ELFN1: variants seen among roughly 807,000 people sequenced by gnomAD.
The protein encoded by ELFN1 is protein ELFN1.
A neutral mutation model predicts 7.6 loss-of-function variants in ELFN1; 6 were observed. The ratio of observed to expected loss-of-function variants is 0.79; its 90% confidence interval spans 0.43 to 1.56. The LOEUF (loss-of-function observed/expected upper bound fraction) is 1.56. Ranked by LOEUF, ELFN1 falls within the 40% of genes most tolerant of loss-of-function variation. The probability of loss-of-function intolerance (pLI) is 0.01; values close to 1 mark genes in which losing one functional copy is unlikely to be tolerated. For synonymous variants in ELFN1, 657 were observed against 588.1 expected, an observed-to-expected ratio of 1.12 and a Z score of -1.70; for missense variants, 1,169 against 1,232.2, an observed-to-expected ratio of 0.95 and a Z score of 0.77.
intron 3 of ELFN1, among the ~76,000 whole-genome samples, chr7:1,724,187 C>T (rs553968286): frequency 6.6e-6 from 1 of 152,308 alleles, no homozygotes; most frequent in East Asian, 1.9e-4. Flanking sequence ...GTTTCTAGCA[C>T]AGTGCCTGGC....
chr7:1,708,966 C>T (rs1779594702), intron 2 of ELFN1, 125 bp from the exon 3 acceptor site: 1 of 152,222 alleles, frequency 6.6e-6, no homozygotes, highest in Admixed American at 6.5e-5. Context: ...TGTGACGTAC[C>T]TGCAGTCCGA....
chr7:1,692,639 C>G (rs1779193619), intron 2 of ELFN1, among the ~76,000 whole-genome samples: 1 of 152,246 alleles, frequency 6.6e-6, no homozygotes, highest in Admixed American at 6.5e-5. Context: ...TACCCAGGGC[C>G]AGCGGCCCAC....
At chr7:1,682,766 G>A (rs2128577255) in intron 1 of ELFN1, among the ~76,000 whole-genome samples, 1 of 152,176 alleles carries the variant, frequency 6.6e-6, no homozygotes, top group East Asian at 1.9e-4. Flanking sequence ...GAATAATCTT[G>A]AATAGCAGAG....
chr7:1,693,033 G>A lies in ELFN1; in HGVS notation c.-456+4883G>A, dbSNP rs545640592. 1.1e-4 allele frequency: 31 copies of A among 287,532 alleles called. No individual in the cohort carries two copies. The East Asian group carries it at 2.3e-3, about 21-fold the overall frequency. 17.8% of individuals were successfully genotyped at this position (287,532 alleles called of 1,614,324 possible). Reference sequence around the variant, plus strand: ...CTCAGTTTTGTTGTCTGTAAAATGGGCGCAGGTCAGCCTCTCCCTGTGAAC... The same window carrying A: ...CTCAGTTTTGTTGTCTGTAAAATGGACGCAGGTCAGCCTCTCCCTGTGAAC... On this transcript the variant is annotated intron_variant, in intron 2 of 3. Transcript: ENST00000424383.
intron 3 of ELFN1, among the ~76,000 whole-genome samples, chr7:1,727,901 C>T (rs1780239636): frequency 6.6e-6 from 1 of 152,118 alleles, no homozygotes; most frequent in Non-Finnish European, 1.5e-5. Context: ...AGCCACTGTG[C>T]CTCACCTCCC....
At chr7:1,717,022 C>T (rs1779855067) in intron 3 of ELFN1, among the ~76,000 whole-genome samples, 2 of 152,216 alleles carry the variant, frequency 1.3e-5, no homozygotes, top group African/African-American at 4.8e-5. Context: ...GGAGCTGCTT[C>T]TCTGCCAGAG....
chr7:1,672,973 GAGAT>G (rs748904549), intron 1 of ELFN1, among the ~76,000 whole-genome samples: 10 of 152,262 alleles, frequency 6.6e-5, no homozygotes, highest in East Asian at 3.9e-4. Flanking sequence ...TGACAGGCGA[GAGAT>G]AGATAGATCT....
At chr7:1,737,665 G>GTCCTGCTCACACCACC (rs1417845356) in intron 3 of ELFN1, among the ~76,000 whole-genome samples, 1 of 152,104 alleles carries the variant, frequency 6.6e-6, no homozygotes, top group Non-Finnish European at 1.5e-5. Context: ...CCGCAGCCCT[G>GTCCTGCTCACACCACC]TCCTCTGCGC....
intron 3 of ELFN1, among the ~76,000 whole-genome samples, chr7:1,712,188 CTTTTCT>C (rs1779676543): frequency 6.6e-6 from 1 of 152,214 alleles, no homozygotes; most frequent in Non-Finnish European, 1.5e-5. Flanking sequence ...CTTTTCTTTT[CTTTTCT>C]TTTCTTTGAG....
At chr7:1,719,574 C>T (rs1779955114) in intron 3 of ELFN1, among the ~76,000 whole-genome samples, 1 of 152,194 alleles carries the variant, frequency 6.6e-6, no homozygotes, top group South Asian at 2.1e-4. Context: ...CTCCCTACCT[C>T]AACCGACAGA....
chr7:1,691,263 A>C (rs1263190639), intron 2 of ELFN1, among the ~76,000 whole-genome samples: 1 of 152,186 alleles, frequency 6.6e-6, no homozygotes, highest in Admixed American at 6.5e-5. Context: ...CACTGATCCC[A>C]GCAGACAGGA....
At chr7:1,741,410 A>G (rs191696951) in intron 3 of ELFN1, among the ~76,000 whole-genome samples, 113 of 152,288 alleles carry the variant, frequency 7.4e-4, no homozygotes, top group African/African-American at 2.6e-3. Context: ...CCGAGCAGGA[A>G]GGTGAGGGCT....
At position 1,695,463 on chromosome 7, in the gene ELFN1, C is replaced by T. The variant is rs1164887914; in HGVS notation, c.-456+7313C>T. 6.6e-6 allele frequency among the ~76,000 whole-genome samples: 1 copy of T among 152,152 alleles called. No individual in the cohort carries two copies. Among genetic ancestry groups the T allele is most frequent in the Non-Finnish European group, 1.5e-5 (1 of 68,020 alleles). ...CATGAACCCCACTTTGAAAACTGTGCAGCCGTGCGCGGCCACTCACACCTG... is the reference window on the plus strand; with the variant it reads ...CATGAACCCCACTTTGAAAACTGTGTAGCCGTGCGCGGCCACTCACACCTG... On this transcript the variant is annotated intron_variant, in intron 2 of 3. Coordinates refer to ENST00000424383, the MANE Select transcript of ELFN1 (RefSeq NM_001128636.4). This position sits in a 1 kb window ranked among gnomAD's most constrained non-coding sequence, Gnocchi z 5.1.
intron 3 of ELFN1, among the ~76,000 whole-genome samples, chr7:1,718,641 G>A (rs1779907838): frequency 6.6e-6 from 1 of 152,144 alleles, no homozygotes; most frequent in African/African-American, 2.4e-5. Flanking sequence ...GGACAGTAGG[G>A]CGGACCAGGA....
intron 3 of ELFN1, among the ~76,000 whole-genome samples, chr7:1,716,640 A>C (rs1042605607): frequency 6.6e-6 from 1 of 152,044 alleles, no homozygotes; most frequent in Non-Finnish European, 1.5e-5. Context: ...TCACGTGATG[A>C]CCCCTGGGGC....
chr7:1,724,714 C>T (rs74464967), intron 3 of ELFN1, among the ~76,000 whole-genome samples: 1 of 152,186 alleles, frequency 6.6e-6, no homozygotes, highest in South Asian at 2.1e-4. Flanking sequence ...GCGACTCCCC[C>T]CAGGGCCTGT....
chr7:1,717,184 T>C (rs1199444234), intron 3 of ELFN1, among the ~76,000 whole-genome samples: 1 of 152,172 alleles, frequency 6.6e-6, no homozygotes, highest in Non-Finnish European at 1.5e-5. Flanking sequence ...ACAGGGGCCG[T>C]GCATCTGCCC....
At chr7:1,687,324 A>G (rs1033397490) in intron 1 of ELFN1, among the ~76,000 whole-genome samples, 2 of 151,710 alleles carry the variant, frequency 1.3e-5, no homozygotes, top group Non-Finnish European at 2.9e-5. Context: ...TCACTATTCT[A>G]TGCCAGAATT....
chr7:1,692,700 G>T (rs1366633210), intron 2 of ELFN1: 1 of 153,330 alleles, frequency 6.5e-6, no homozygotes, highest in Non-Finnish European at 1.5e-5. Flanking sequence ...GGAGATTTTT[G>T]AGGCCCTCCT....
Sources: gnomAD v4.1 joint callset for allele counts (sites outside exome capture counted in the v4.1 genomes callset) on GRCh38, gnomAD v4.1.1 for gene constraint, Gnocchi (gnomAD v3.1) non-coding constraint, MANE v1.5 for transcripts, NCBI Gene and HGNC (gene_info 2026-07-23, HGNC 2026-07-21) for gene names.